The following NWD1 variants were observed in gnomAD, a reference collection of about 807,000 sequenced individuals.
NWD1 encodes the protein NACHT domain- and WD repeat-containing protein 1.
Under a neutral mutation model 135.1 loss-of-function variants are expected in NWD1, and 129 were observed. That is an observed-to-expected ratio of 0.96 (90% CI 0.83 to 1.11). The LOEUF is 1.11. Among genes scored for constraint, NWD1 ranks in the 50% least tolerant of loss-of-function variants. The pLI is 0.00. For synonymous variants in NWD1, 773 were observed against 786.0 expected (o/e 0.98, Z 0.28); for missense variants, 1,740 against 1,851.3 (o/e 0.94, Z 1.10).
At chr19:16,746,639 C>T (rs534980504) in intron 5 of NWD1, among the ~76,000 whole-genome samples, 1 of 151,812 alleles carries the variant, frequency 6.6e-6, no homozygotes, top group Non-Finnish European at 1.5e-5. Context: ...CACCACTGCA[C>T]TCCAGCCTGG....
At position 16,749,931 on chromosome 19, in the gene NWD1, A is replaced by C. The variant is rs1968497783; in HGVS notation, c.1289A>C (p.Glu430Ala). ...LLHTVSCRNF[E>A]SLVLLLDAMD... Reference sequence around the variant, plus strand: ...CACACTGTCTCTTGCAGAAACTTCGAGTCTCTCGTGCTCCTGCTGGATGCT... The same window carrying C: ...CACACTGTCTCTTGCAGAAACTTCGCGTCTCTCGTGCTCCTGCTGGATGCT... Residue 430 changes from glutamate to alanine, a missense_variant, in exon 6 of 19, where the codon GAG (glutamate) becomes GCG (alanine). Coordinates refer to ENST00000524140, the MANE Select transcript of NWD1 (RefSeq NM_001007525.5). 2 of 1,613,562 alleles carry C rather than the reference A, an allele frequency of 1.2e-6. No individual in the cohort carries two copies. The highest frequency in any genetic ancestry group is 1.7e-6 in the Non-Finnish European group (2 of 1,179,998).
chr19:16,794,629 A>T, intron 15 of NWD1, 76 bp downstream of exon 15: 1 of 1,038,308 alleles, frequency 9.6e-7, no homozygotes, highest in Admixed American at 2.0e-5. Context: ...GGGCTTGGGA[A>T]CAGAGAGAAG....
chr19:16,737,306 C>T (rs1370202915), intron 4 of NWD1, among the ~76,000 whole-genome samples: 1 of 152,026 alleles, frequency 6.6e-6, no homozygotes, highest in Non-Finnish European at 1.5e-5. Context: ...CAAAAAAGCC[C>T]AGGCTAGAGT....
intron 14 of NWD1, among the ~76,000 whole-genome samples, chr19:16,793,534 T>G (rs1054446907): frequency 1.3e-5 from 2 of 150,568 alleles, no homozygotes. Context: ...CCAGAATTTG[T>G]TTTTTACCTT....
At position 16,807,870 on chromosome 19, in the gene NWD1, T is replaced by G; in HGVS notation, c.4021T>G (p.Tyr1341Asp). ...CTGCCCGGTCATCGATGGGCCAAGA[T>G]ACACCTTTTACACTCAGCTGCCCGA... ...DPCPVIDGPR[Y>D]TFYTQLPETL... The change falls in exon 18 of 19, where the codon TAC (tyrosine) becomes GAC (aspartate). Residue 1341 changes from tyrosine (Y) to aspartate (D), a missense_variant. Tyr to Asp is a radical substitution (Grantham distance 160, BLOSUM62 -3). Coordinates refer to ENST00000524140, the MANE Select transcript of NWD1 (RefSeq NM_001007525.5). The G allele has an allele frequency of 6.2e-7, 1 of 1,614,184 alleles. No individual in the cohort carries two copies. The highest frequency in any genetic ancestry group is 1.3e-5 in the African/African-American group (1 of 75,042).
chr19:16,762,964 A>G (rs569991476), intron 8 of NWD1, among the ~76,000 whole-genome samples: 1 of 151,980 alleles, frequency 6.6e-6, no homozygotes, highest in East Asian at 1.9e-4. Context: ...TTGTATTTTT[A>G]GTAGAGACGG....
chr19:16,755,021 G>T (rs1173524110), intron 6 of NWD1, among the ~76,000 whole-genome samples: 1 of 152,000 alleles, frequency 6.6e-6, no homozygotes, highest in Non-Finnish European at 1.5e-5. Context: ...TCTACCATCT[G>T]TCTATACCTA....
At chr19:16,736,551 CTT>C in intron 3 of NWD1, 81 bp from the exon 4 acceptor site, 1 of 926,378 alleles carries the variant, frequency 1.1e-6, no homozygotes, top group Middle Eastern at 2.1e-4. Flanking sequence ...TTGAAAGAAA[CTT>C]TCTGCTTTGT....
intron 6 of NWD1, among the ~76,000 whole-genome samples, chr19:16,756,238 C>T (rs1968792776): frequency 1.3e-5 from 2 of 151,888 alleles, no homozygotes. Context: ...GGTGACAGAG[C>T]AAGACTCTGC....
Position 16,749,383 on chromosome 19 carries a change from C to A in NWD1, c.741C>A (p.Ser247Arg). The A allele has an allele frequency of 6.2e-7, 1 of 1,613,812 alleles. No homozygotes were observed. The highest frequency in any genetic ancestry group is 8.5e-7 in the Non-Finnish European group (1 of 1,179,814). ...GVLKTHRLPW[S>R]RDLVNPKNKT... ...TCAAGACCCACCGCCTGCCGTGGAG[C>A]CGCGACTTGGTGAACCCCAAGAACA... The change falls in exon 6 of 19, where the codon AGC becomes AGA. Residue 247 changes from serine (S) to arginine (R), a missense_variant. Physicochemically the swap from Ser to Arg is moderately radical, Grantham distance 110. Transcript: ENST00000524140.
chr19:16,777,980 AT>A (rs1969715191), intron 11 of NWD1, among the ~76,000 whole-genome samples: 5 of 94,684 alleles, frequency 5.3e-5, no homozygotes, highest in African/African-American at 2.3e-4. Context: ...AGGGAAGGAA[AT>A]GGAGGAAGGG....
chr19:16,752,775 T>A (rs1055807851), intron 6 of NWD1, among the ~76,000 whole-genome samples: 41 of 152,242 alleles, frequency 2.7e-4, no homozygotes, highest in African/African-American at 9.2e-4. Context: ...GGTGGGAGAA[T>A]TACTTGAGCC....
At chr19:16,782,112 A>G (rs929405634) in intron 12 of NWD1, among the ~76,000 whole-genome samples, 1 of 148,870 alleles carries the variant, frequency 6.7e-6, no homozygotes, top group Non-Finnish European at 1.5e-5. Context: ...AAAAAAGAAA[A>G]AAAAAAAGAA....
chr19:16,729,075 AG>A, intron 2 of NWD1, among the ~76,000 whole-genome samples: 1 of 152,160 alleles, frequency 6.6e-6, no homozygotes. Flanking sequence ...AATGCAGCTC[AG>A]GTAGTGACTC....
chr19:16,756,209 G>A (rs1015755929), intron 6 of NWD1, among the ~76,000 whole-genome samples: 6 of 152,074 alleles, frequency 3.9e-5, no homozygotes, highest in African/African-American at 1.4e-4. Flanking sequence ...CCTAGATCAC[G>A]CCATTGCACT....
At position 16,762,068 on chromosome 19, in the gene NWD1, C is replaced by A; in HGVS notation, c.2063C>A (p.Thr688Asn). 1 of 1,614,040 alleles carries A rather than the reference C, an allele frequency of 6.2e-7. No homozygotes were observed. The highest frequency in any genetic ancestry group is 8.5e-7 in the Non-Finnish European group (1 of 1,179,978). Residue 688 changes from threonine to asparagine, a missense_variant, in exon 8 of 19, where the codon ACC (threonine) becomes AAC (asparagine). Thr to Asn is a moderately conservative substitution (Grantham distance 65). Transcript: ENST00000524140. ...HGVLADFFSGTWSQGTKKLIT... is the reference protein window; with the variant it reads ...HGVLADFFSGNWSQGTKKLIT... ...GTCCTGGCCGACTTCTTCTCAGGGACCTGGAGCCAGGGTACCAAGAAGCTC... is the reference window on the plus strand; with the variant it reads ...GTCCTGGCCGACTTCTTCTCAGGGAACTGGAGCCAGGGTACCAAGAAGCTC...
At chr19:16,780,757 A>G (rs1969826317) in intron 12 of NWD1, among the ~76,000 whole-genome samples, 1 of 152,034 alleles carries the variant, frequency 6.6e-6, no homozygotes, top group South Asian at 2.1e-4. Context: ...TCCTGGGCTC[A>G]AGCAATCCTC....
At chr19:16,772,710 C>G (rs1016580244) in intron 10 of NWD1, among the ~76,000 whole-genome samples, 1 of 151,970 alleles carries the variant, frequency 6.6e-6, no homozygotes, top group Non-Finnish European at 1.5e-5. Flanking sequence ...TGGCGCATGC[C>G]TGTAGTCCCT....
chr19:16,769,219 C>T (rs758790460), intron 10 of NWD1, among the ~76,000 whole-genome samples: 37 of 151,976 alleles, frequency 2.4e-4, no homozygotes, highest in African/African-American at 6.3e-4. Context: ...CCCAGCACTT[C>T]GGGAGGCTGA....
Sources: gnomAD v4.1 joint callset for allele counts (sites outside exome capture counted in the v4.1 genomes callset) on GRCh38, gnomAD v4.1.1 for gene constraint, MANE v1.5 for transcripts, NCBI Gene and HGNC (gene_info 2026-07-23, HGNC 2026-07-21) for gene names.